Variants in IL12RB2 observed in about 807,000 individuals in gnomAD.
IL12RB2 encodes the protein interleukin 12 receptor subunit beta 2.
IL12RB2 carries 82 observed loss-of-function variants against 89.4 expected under a neutral mutation model. The ratio of observed to expected loss-of-function variants is 0.92; its 90% CI spans 0.77 to 1.10. The LOEUF is 1.10. IL12RB2 is among the 50% of genes least tolerant of loss of function. The pLI is 0.00. For missense variants in IL12RB2, 963 were observed against 1,031.9 expected (o/e 0.93, Z 0.92); for synonymous variants, 368 against 370.1 (o/e 0.99, Z 0.07).
intron 13 of IL12RB2, among the ~76,000 whole-genome samples, chr1:67,378,289 T>G (rs1664191131): frequency 1.3e-5 from 2 of 152,060 alleles, no homozygotes; most frequent in South Asian, 4.1e-4. Flanking sequence ...TGGAGAAGAT[T>G]GTCTATTCAT....
At chr1:67,316,421 A>AGT (rs71062410) in intron 2 of IL12RB2, among the ~76,000 whole-genome samples, 66,258 of 146,082 alleles carry the variant, frequency 0.45, 16,155 homozygotes, top group Non-Finnish European at 0.56. Flanking sequence ...TCCCCAGAGT[A>AGT]GTGTGTGTGT....
chr1:67,375,948 G>A (rs779841796), intron 13 of IL12RB2, among the ~76,000 whole-genome samples: 1 of 150,520 alleles, frequency 6.6e-6, no homozygotes, highest in African/African-American at 2.4e-5. Context: ...CCGGGTTCAC[G>A]CCATTCTCCT....
intron 6 of IL12RB2, among the ~76,000 whole-genome samples, chr1:67,328,773 G>A (rs1341966166): frequency 6.6e-6 from 1 of 152,156 alleles, no homozygotes; most frequent in Admixed American, 6.5e-5. Context: ...TGTGAGATAG[G>A]CTACATGTGG....
rs532291169 is a variant in IL12RB2, at chr1:67,355,124, A to G, written c.1258+4035A>G. Reference sequence around the variant, plus strand: ...GAACAAGACATTATCTAAAAAAAAGAAGGCCAGGGCCAGGCGCCGTGGCTC... The same window carrying G: ...GAACAAGACATTATCTAAAAAAAAGGAGGCCAGGGCCAGGCGCCGTGGCTC... On this transcript the variant is annotated intron_variant, in intron 10 of 16. Coordinates refer to ENST00000674203, the MANE Select transcript of IL12RB2 (RefSeq NM_001374259.2). Among the ~76,000 whole-genome samples, 3 of 152,136 alleles carry G rather than the reference A, an allele frequency of 2.0e-5. No homozygotes were observed. The South Asian group carries it at 6.2e-4, about 32-fold the overall frequency.
At chr1:67,388,030 TAGTC>T (rs1324581831) in intron 15 of IL12RB2, among the ~76,000 whole-genome samples, 1 of 151,794 alleles carries the variant, frequency 6.6e-6, no homozygotes, top group African/African-American at 2.4e-5. Context: ...ATACAAAAAT[TAGTC>T]AGCCATGGTG....
chr1:67,383,226 T>C (rs777277877), intron 14 of IL12RB2, among the ~76,000 whole-genome samples: 1 of 152,142 alleles, frequency 6.6e-6, no homozygotes, highest in Non-Finnish European at 1.5e-5. Context: ...CATCAATTCT[T>C]GTGAGAACTC....
chr1:67,375,634 T>G, intron 13 of IL12RB2, among the ~76,000 whole-genome samples: 1 of 152,032 alleles, frequency 6.6e-6, no homozygotes, highest in Non-Finnish European at 1.5e-5. Context: ...GGCAGCAGTA[T>G]TAAGGGCATA....
chr1:67,330,538 G>A lies in IL12RB2; in HGVS notation c.808-122G>A, dbSNP rs561366509. ...TCACTGATATTTCTTCTCATTTAAT[G>A]GTAGGTCTGAAAAACAAATAAGATC... On this transcript the variant is annotated intron_variant, in intron 7 of 16. Coordinates refer to ENST00000674203, the MANE Select transcript of IL12RB2 (RefSeq NM_001374259.2). 5 of 660,138 alleles carry A rather than the reference G, an allele frequency of 7.6e-6. No individual in the cohort carries two copies. In the African/African-American group the frequency reaches 9.2e-5, roughly 12 times the overall value. 40.9% of individuals were successfully genotyped at this position (660,138 alleles called of 1,614,324 possible).
chr1:67,394,766 C>G (rs901611147), intron 16 of IL12RB2, among the ~76,000 whole-genome samples: 1 of 152,158 alleles, frequency 6.6e-6, no homozygotes, highest in Non-Finnish European at 1.5e-5. Flanking sequence ...CCAAAATACA[C>G]CAGTCCTCCT....
intron 10 of IL12RB2, among the ~76,000 whole-genome samples, chr1:67,351,423 T>A (rs947665106): frequency 4.6e-5 from 7 of 152,206 alleles, no homozygotes; most frequent in Admixed American, 3.9e-4. Flanking sequence ...TGAACACCAA[T>A]ATCTGACTAG....
intron 9 of IL12RB2, among the ~76,000 whole-genome samples, chr1:67,345,217 G>T (rs1457052126): frequency 6.6e-6 from 1 of 152,148 alleles, no homozygotes; most frequent in East Asian, 1.9e-4. Context: ...GTGGGGAAAA[G>T]ATTTAGTGTT....
rs771296432 is a variant in IL12RB2, at chr1:67,330,278, A to ATTTTT, written c.808-382_808-381insTTTTT. On this transcript the variant is annotated intron_variant, in intron 7 of 16. Coordinates refer to ENST00000674203, the MANE Select transcript of IL12RB2 (RefSeq NM_001374259.2). ...AACTAATTAAAGGGTTTTTTTAAAA[A>ATTTTT]AAAAAAAAGCCAGTGCTATGTTTGT... Among the ~76,000 whole-genome samples the ATTTTT allele has an allele frequency of 8.8e-3, 961 of 109,356 alleles. 5 individuals are homozygous for ATTTTT. The highest frequency in any genetic ancestry group is 0.04 in the Middle Eastern group (9 of 224). 71.7% of individuals were successfully genotyped at this position (109,356 alleles called of 152,430 possible).
chr1:67,318,766 C>G (rs1569725717), intron 2 of IL12RB2, among the ~76,000 whole-genome samples: 1 of 152,002 alleles, frequency 6.6e-6, no homozygotes, highest in South Asian at 2.1e-4. Flanking sequence ...GCCAAGGAGA[C>G]AGATGGATGA....
intron 10 of IL12RB2, among the ~76,000 whole-genome samples, chr1:67,353,697 G>C (rs1428118712): frequency 6.6e-6 from 1 of 152,204 alleles, no homozygotes; most frequent in African/African-American, 2.4e-5. Flanking sequence ...GGAATTACAA[G>C]TTATTTTTCT....
chr1:67,318,096 G>A (rs770003697), intron 2 of IL12RB2, among the ~76,000 whole-genome samples: 10 of 152,148 alleles, frequency 6.6e-5, no homozygotes, highest in Non-Finnish European at 1.5e-4. Flanking sequence ...GAAGACGCAA[G>A]GGAAGAGGAT....
At chr1:67,378,748 G>A (rs1664236570) in intron 13 of IL12RB2, among the ~76,000 whole-genome samples, 1 of 151,142 alleles carries the variant, frequency 6.6e-6, no homozygotes. Context: ...TACTCAGGAG[G>A]CTGAGGCTGA....
At chr1:67,335,189 T>G (rs1658605419) in intron 8 of IL12RB2, among the ~76,000 whole-genome samples, 1 of 152,208 alleles carries the variant, frequency 6.6e-6, no homozygotes, top group African/African-American at 2.4e-5. Flanking sequence ...TAATACAGTG[T>G]ATCTGCAAGG....
intron 8 of IL12RB2, among the ~76,000 whole-genome samples, chr1:67,336,482 T>A (rs1423285461): frequency 1.3e-5 from 2 of 152,146 alleles, no homozygotes; most frequent in Admixed American, 6.5e-5. Flanking sequence ...GGGCCACTCT[T>A]CATATTCCTG....
chr1:67,319,453 A>T (rs1384999594), intron 2 of IL12RB2, among the ~76,000 whole-genome samples: 2 of 152,158 alleles, frequency 1.3e-5, no homozygotes, highest in Non-Finnish European at 2.9e-5. Flanking sequence ...AACCCAAACA[A>T]CCCTTGGAAT....
Sources: gnomAD v4.1 joint callset for allele counts (sites outside exome capture counted in the v4.1 genomes callset) on GRCh38, gnomAD v4.1.1 for gene constraint, MANE v1.5 for transcripts, NCBI Gene and HGNC (gene_info 2026-07-23, HGNC 2026-07-21) for gene names.